The following TERF2IP variants were observed in gnomAD, a reference collection of about 807,000 sequenced individuals.
TERF2IP encodes TERF2 interacting protein, also known as telomeric repeat-binding factor 2-interacting protein 1.
Under a neutral mutation model 33.3 loss-of-function variants are expected in TERF2IP, and 35 were observed. That is an observed-to-expected ratio of 1.05 (90% CI 0.80 to 1.39). The LOEUF is 1.39. Ranked by LOEUF, TERF2IP falls within the 40% of genes most tolerant of loss-of-function variation. The probability of loss-of-function intolerance (pLI) is 0.00; values close to 1 mark genes in which losing one functional copy is unlikely to be tolerated. For synonymous variants in TERF2IP, 253 were observed against 223.2 expected (o/e 1.13, Z -1.19); for missense variants, 583 against 524.8 (o/e 1.11, Z -1.08).
At position 75,656,912 on chromosome 16, in the gene TERF2IP, C is replaced by A. The variant is rs1392063053; in HGVS notation, c.*301C>A. Reference sequence around the variant, plus strand: ...GTAGTAATCCATTGTTGGAATGGAACCCTTGCTATAGTAGTGACAAAGTGA... The same window carrying A: ...GTAGTAATCCATTGTTGGAATGGAAACCTTGCTATAGTAGTGACAAAGTGA... On this transcript the variant is annotated 3_prime_UTR_variant, in exon 3 of 3. Transcript: ENST00000300086. 1 of 286,010 alleles carries A rather than the reference C, an allele frequency of 3.5e-6. No individual in the cohort carries two copies. The highest frequency in any genetic ancestry group is 6.6e-5 in the East Asian group (1 of 15,040). The allele number at this position is 286,010 out of a possible 1,614,324, so 17.7% of individuals were successfully genotyped here.
chr16:75,652,971 A>G (rs1231839108), intron 1 of TERF2IP, among the ~76,000 whole-genome samples: 1 of 152,050 alleles, frequency 6.6e-6, no homozygotes. Context: ...GTTTCTATGA[A>G]TTCAATATTT....
rs1437305008 is a variant in TERF2IP, at chr16:75,647,918, C to G, written c.36C>G (p.Asn12Lys). The change falls in exon 1 of 3, where the codon AAC becomes AAG. Residue 12 changes from asparagine to lysine, a missense_variant. Transcript: ENST00000300086. ...CGATGGATTTGGGCAAAGACCCCAA[C>G]GGGCCCACCCATTCCTCGACTCTGT... The part of the protein sequence containing the change: ...AEAMDLGKDP[N>K]GPTHSSTLFV... 6.2e-7 allele frequency: 1 copy of G among 1,609,710 alleles called. No individual in the cohort carries two copies. The highest frequency in any genetic ancestry group is 1.3e-5 in the African/African-American group (1 of 74,942).
chr16:75,647,790 C>A lies in TERF2IP; in HGVS notation c.-93C>A. 1 of 1,581,918 alleles carries A rather than the reference C, an allele frequency of 6.3e-7. No individual in the cohort carries two copies. Among genetic ancestry groups the A allele is most frequent in the South Asian group, 1.1e-5 (1 of 89,958 alleles). ...GCAGGCCCAGTGCTGCGCTTCGCGG[C>A]AGAGGCGTCTGCGGTGACAGCTCAG... On this transcript the variant is annotated 5_prime_UTR_variant, in exon 1 of 3. Transcript: ENST00000300086.
At chr16:75,650,304 G>C (rs1465422774) in intron 1 of TERF2IP, among the ~76,000 whole-genome samples, 1 of 152,172 alleles carries the variant, frequency 6.6e-6, no homozygotes, top group African/African-American at 2.4e-5. Flanking sequence ...ACCGAAGGAA[G>C]TGAAAGAGCA....
At chr16:75,654,650 G>T (rs1197580000) in intron 2 of TERF2IP, among the ~76,000 whole-genome samples, 1 of 152,172 alleles carries the variant, frequency 6.6e-6, no homozygotes, top group African/African-American at 2.4e-5. Context: ...GTAGAATAGG[G>T]ACAGTTGTAT....
At chr16:75,648,615 T>G (rs1050868875) in intron 1 of TERF2IP, 63 bp downstream of exon 1, 7 of 1,452,460 alleles carry the variant, frequency 4.8e-6, no homozygotes, top group African/African-American at 1.4e-5. Context: ...ATCTTTCTCC[T>G]GGCTGCCTGG....
At chr16:75,648,758 T>C in intron 1 of TERF2IP, 1 of 1,380,716 alleles carries the variant, frequency 7.2e-7, no homozygotes, top group Non-Finnish European at 9.5e-7. Flanking sequence ...TGGGTCTCTG[T>C]TACCTAAGCT....
At chr16:75,654,190 G>T in intron 1 of TERF2IP, 83 bp from the exon 2 acceptor site, 2 of 1,164,046 alleles carry the variant, frequency 1.7e-6, no homozygotes, top group Non-Finnish European at 2.3e-6. Flanking sequence ...GCTCACTCCT[G>T]GCCCAGAGCT....
chr16:75,656,143 C>T, intron 2 of TERF2IP, 64 bp from the exon 3 acceptor site: 3 of 1,490,474 alleles, frequency 2.0e-6, no homozygotes, highest in East Asian at 2.3e-5. Context: ...TTGGAAGAGA[C>T]CAGATATTGT....
At chr16:75,648,622 C>T in intron 1 of TERF2IP, 70 bp downstream of exon 1, 3 of 1,451,404 alleles carry the variant, frequency 2.1e-6, no homozygotes, top group Non-Finnish European at 2.7e-6. Context: ...TCCTGGCTGC[C>T]TGGCGTCCAT....
At position 75,648,037 on chromosome 16, in the gene TERF2IP, C is replaced by G. The variant is rs754940539; in HGVS notation, c.155C>G (p.Thr52Ser). The change falls in exon 1 of 3, where the codon ACC becomes AGC. Residue 52 changes from threonine (T) to serine (S), a missense_variant. Transcript: ENST00000300086. ...ACGCTCATCCTGCACGGCGGCGGCA[C>G]CGTGTGCCGAGTGCAGGAGCCCGGG... Reference protein sequence around the residue: ...LSTLILHGGGTVCRVQEPGAV... With the variant: ...LSTLILHGGGSVCRVQEPGAV... 22 of 1,609,772 alleles carry G rather than the reference C, an allele frequency of 1.4e-5. No individual in the cohort carries two copies. Among genetic ancestry groups the G allele is most frequent in the Non-Finnish European group, 1.9e-5 (22 of 1,178,470 alleles).
chr16:75,651,848 T>C (rs17764821), intron 1 of TERF2IP, among the ~76,000 whole-genome samples: 21,773 of 152,090 alleles, frequency 0.14, 3,135 homozygotes, highest in East Asian at 0.72. Context: ...TTATACAAAA[T>C]AGAACAAAAG....
rs1287367818 is a variant in TERF2IP at position 75,656,735 on chromosome 16, G to T, written c.*124G>T. On this transcript the variant is annotated 3_prime_UTR_variant, in exon 3 of 3. Coordinates refer to ENST00000300086, the MANE Select transcript of TERF2IP (RefSeq NM_018975.4). The stretch of plus-strand genomic sequence containing the variant: ...CACTTATTTTCTGACCATCGCTGCT[G>T]TTGCTCTGTGAGTCCTAGATTTTTG... 3 of 907,678 alleles carry T rather than the reference G, an allele frequency of 3.3e-6. No homozygotes were observed. Among genetic ancestry groups the T allele is most frequent in the Non-Finnish European group, 5.0e-6 (3 of 605,830 alleles). 56.2% of individuals were successfully genotyped at this position (907,678 alleles called of 1,614,324 possible). A position where few individuals can be genotyped will look rare whatever the true frequency, so the allele number is the denominator to read the frequency against.
In TERF2IP at chr16:75,656,877, G is replaced by A. The variant is rs192816216; in HGVS notation, c.*266G>A. ...GGAAGATCTAAATCAGACAGGAGTTGGTCTACATAGTAGTAATCCATTGTT... is the reference window on the plus strand; with the variant it reads ...GGAAGATCTAAATCAGACAGGAGTTAGTCTACATAGTAGTAATCCATTGTT... On this transcript the variant is annotated 3_prime_UTR_variant, in exon 3 of 3. Transcript: ENST00000300086. 128 of 428,896 alleles carry A rather than the reference G, an allele frequency of 3.0e-4. No homozygotes were observed. The East Asian group carries it at 5.1e-3, about 17-fold the overall frequency. The allele number at this position is 428,896 out of a possible 1,614,324, so 26.6% of individuals were successfully genotyped here. A position where few individuals can be genotyped will look rare whatever the true frequency, so the allele number is the denominator to read the frequency against.
Position 75,648,118 on chromosome 16 carries a change from T to A in TERF2IP, c.236T>A (p.Ile79Asn), listed in dbSNP as rs1034303540. ...EALAEASGDF[I>N]STQYILDCVE... ...CTGGCCGAGGCCTCGGGTGATTTCA[T>A]CTCCACGCAGTACATCCTGGACTGC... Residue 79 changes from isoleucine (I) to asparagine (N), a missense_variant, in exon 1 of 3, where the codon ATC becomes AAC. Coordinates refer to ENST00000300086, the MANE Select transcript of TERF2IP (RefSeq NM_018975.4). 15 of 1,558,082 alleles carry A rather than the reference T, an allele frequency of 9.6e-6. No individual in the cohort carries two copies. The highest frequency in any genetic ancestry group is 1.3e-5 in the Non-Finnish European group (15 of 1,152,406).
chr16:75,654,471 C>T (rs910461164), intron 2 of TERF2IP, 74 bp downstream of exon 2: 1 of 1,477,048 alleles, frequency 6.8e-7, no homozygotes, highest in Non-Finnish European at 9.2e-7. Context: ...TCCTGTACAC[C>T]TTTTTCATCT....
Position 75,648,149 on chromosome 16 carries a change from G to T in TERF2IP, c.267G>T (p.Glu89Asp), listed in dbSNP as rs199614111. 1.3e-6 allele frequency: 2 copies of T among 1,564,722 alleles called. No individual in the cohort carries two copies. Among genetic ancestry groups the T allele is most frequent in the Non-Finnish European group, 8.6e-7 (1 of 1,157,376 alleles). Reference protein sequence around the residue: ...ISTQYILDCVERNERLELEAY... With the variant: ...ISTQYILDCVDRNERLELEAY... ...CGCAGTACATCCTGGACTGCGTGGA[G>T]CGCAACGAGAGGCTGGAGCTGGAGG... Residue 89 changes from glutamate (E) to aspartate (D), a missense_variant, in exon 1 of 3, where the codon GAG becomes GAT. Physicochemically the swap from Glu to Asp is conservative, Grantham distance 45. Transcript: ENST00000300086.
In TERF2IP at chr16:75,656,548, G is replaced by C. The variant is rs2151820898; in HGVS notation, c.1137G>C (p.Glu379Asp). ...AAAAAGATGATGAGGATACCAGAGA[G>C]GCATTGGTCAAAAAATTTGGTGCTC... ...DLQKDDEDTR[E>D]ALVKKFGAQN... Residue 379 changes from glutamate to aspartate, a missense_variant, in exon 3 of 3, where the codon GAG (glutamate) becomes GAC (aspartate). Coordinates refer to ENST00000300086, the MANE Select transcript of TERF2IP (RefSeq NM_018975.4). 1 of 1,613,546 alleles carries C rather than the reference G, an allele frequency of 6.2e-7. No individual in the cohort carries two copies. The highest frequency in any genetic ancestry group is 8.5e-7 in the Non-Finnish European group (1 of 1,179,786).
chr16:75,656,062 G>A, intron 2 of TERF2IP, 145 bp from the exon 3 acceptor site: 1 of 780,274 alleles, frequency 1.3e-6, no homozygotes, highest in East Asian at 2.5e-5. Flanking sequence ...ATGTAAGAAG[G>A]AACACAGCAT....
Sources: gnomAD v4.1 joint callset for allele counts (sites outside exome capture counted in the v4.1 genomes callset) on GRCh38, gnomAD v4.1.1 for gene constraint, MANE v1.5 for transcripts, NCBI Gene and HGNC (gene_info 2026-07-23, HGNC 2026-07-21) for gene names.